Variants in E2F7 observed in about 807,000 individuals in gnomAD.
E2F7 encodes E2F transcription factor 7.
In E2F7, 35 loss-of-function variants were observed where a neutral mutation model predicts 81.1. The ratio of observed to expected loss-of-function variants is 0.43; its 90% CI spans 0.33 to 0.57. The LOEUF (loss-of-function observed/expected upper bound fraction) is 0.57, where lower values mean the gene tolerates loss of function less well. Ranked by LOEUF, E2F7 falls within the 20% of genes least tolerant of loss-of-function variation. E2F7 has a pLI of 0.04. For missense variants in E2F7, 961 were observed against 1,093.7 expected (o/e 0.88, Z 1.71); for synonymous variants, 416 against 416.2 (o/e 1.00, Z 0.01).
chr12:77,024,295 CCTT>C (rs1447752206), intron 12 of E2F7, 110 bp from the exon 13 acceptor site: 33 of 1,220,468 alleles, frequency 2.7e-5, no homozygotes, highest in East Asian at 5.2e-5. Context: ...GGCAGGCGTT[CCTT>C]CTTCTTTGCT....
chr12:77,044,841 CA>C, intron 5 of E2F7, 46 bp from the exon 6 acceptor site: 1 of 1,593,456 alleles, frequency 6.3e-7, no homozygotes, highest in Non-Finnish European at 8.5e-7. Flanking sequence ...TGATTTTCTA[CA>C]AGAAAGACTA....
At chr12:77,031,141 C>T (rs918912371) in intron 9 of E2F7, among the ~76,000 whole-genome samples, 24 of 152,022 alleles carry the variant, frequency 1.6e-4, no homozygotes, top group Non-Finnish European at 2.4e-4. Context: ...GAGGATTGCT[C>T]GAGCCCAGGA....
rs1452990936 is a variant in E2F7, at chr12:77,065,377, C to T, written c.-33G>A. ...TTCCTAAGGAGGCTTCCTGCCTCTG[C>T]AGGGACCTCCACGGACCCAAGCCGA... On this transcript the variant is annotated 5_prime_UTR_variant, in exon 1 of 13. Transcript: ENST00000322886. 1 of 152,320 alleles carries T rather than the reference C, an allele frequency of 6.6e-6. No homozygotes were observed. Among genetic ancestry groups the T allele is most frequent in the East Asian group, 1.9e-4 (1 of 5,180 alleles). 9.4% of individuals were successfully genotyped at this position (152,320 alleles called of 1,614,324 possible).
chr12:77,024,225 T>C (rs1434269200), intron 12 of E2F7, 40 bp from the exon 13 acceptor site: 8 of 1,588,018 alleles, frequency 5.0e-6, no homozygotes, highest in Middle Eastern at 1.7e-4. Context: ...TGAAGTCATA[T>C]TGTTTCTGAT....
At chr12:77,029,731 AT>A in intron 10 of E2F7, 99 bp downstream of exon 10, 1 of 1,522,978 alleles carries the variant, frequency 6.6e-7, no homozygotes, top group South Asian at 1.3e-5. Flanking sequence ...ACAGCTCCAT[AT>A]TCCAGACTCC....
Position 77,055,589 on chromosome 12 carries a change from T to A in E2F7, c.369+266A>T, listed in dbSNP as rs183914190. ...CATTTAAAGAATCCAAATTCCTTCA[T>A]TAAATAAAAATGATTAAATATCATT... On this transcript the variant is annotated intron_variant, in intron 3 of 12. Coordinates refer to ENST00000322886, the MANE Select transcript of E2F7 (RefSeq NM_203394.3). 6.6e-5 allele frequency among the ~76,000 whole-genome samples: 10 copies of A among 152,304 alleles called. No homozygotes were observed. In the East Asian group the frequency reaches 1.9e-3, roughly 29 times the overall value.
At chr12:77,048,758 C>G (rs1954962869) in intron 4 of E2F7, among the ~76,000 whole-genome samples, 1 of 152,130 alleles carries the variant, frequency 6.6e-6, no homozygotes, top group South Asian at 2.1e-4. Flanking sequence ...TGGAGTTCTG[C>G]TCCAGGCAGC....
chr12:77,033,480 C>T, intron 8 of E2F7, among the ~76,000 whole-genome samples: 1 of 151,958 alleles, frequency 6.6e-6, no homozygotes, highest in Non-Finnish European at 1.5e-5. Flanking sequence ...CCACTGTACT[C>T]CAGCCTGGGT....
intron 7 of E2F7, among the ~76,000 whole-genome samples, chr12:77,036,767 A>G (rs531141176): frequency 6.7e-6 from 1 of 148,794 alleles, no homozygotes; most frequent in South Asian, 2.1e-4. Context: ...TTTGAGACAG[A>G]GTCTCGCTCT....
chr12:77,037,183 G>A (rs1954858468), intron 7 of E2F7, among the ~76,000 whole-genome samples: 1 of 152,140 alleles, frequency 6.6e-6, no homozygotes, highest in South Asian at 2.1e-4. Context: ...AGTTCATCAG[G>A]CAGAAAAAAA....
In E2F7 at chr12:77,023,980, C is replaced by T. The variant is rs1370386284; in HGVS notation, c.*35G>A. 7 of 1,606,468 alleles carry T rather than the reference C, an allele frequency of 4.4e-6. No homozygotes were observed. The highest frequency in any genetic ancestry group is 4.3e-4 in the Middle Eastern group (2 of 4,700). Reference sequence around the variant, plus strand: ...CCTCGGACATCCGGGACTCTCAGGGCGTTTGATCCCACCCCCACCTGGCAA... The same window carrying T: ...CCTCGGACATCCGGGACTCTCAGGGTGTTTGATCCCACCCCCACCTGGCAA... On this transcript the variant is annotated 3_prime_UTR_variant, in exon 13 of 13. Coordinates refer to ENST00000322886, the MANE Select transcript of E2F7 (RefSeq NM_203394.3).
chr12:77,028,726 G>A (rs921330719), intron 10 of E2F7, among the ~76,000 whole-genome samples: 8 of 152,026 alleles, frequency 5.3e-5, no homozygotes, highest in African/African-American at 9.7e-5. Context: ...CGCCCGCCTC[G>A]GCCTCCAAAG....
chr12:77,029,155 G>A (rs1299240982), intron 10 of E2F7, among the ~76,000 whole-genome samples: 1 of 152,170 alleles, frequency 6.6e-6, no homozygotes, highest in African/African-American at 2.4e-5. Flanking sequence ...TCTACAAAAT[G>A]AGAAAAATTC....
intron 8 of E2F7, 121 bp from the exon 9 acceptor site, chr12:77,033,243 A>T (rs2120648008): frequency 1.1e-6 from 1 of 900,488 alleles, no homozygotes; most frequent in East Asian, 2.7e-5. Flanking sequence ...CAAATCTGTT[A>T]TGGTTTTGAT....
At chr12:77,038,007 G>A (rs1017793425) in intron 7 of E2F7, among the ~76,000 whole-genome samples, 2 of 152,138 alleles carry the variant, frequency 1.3e-5, no homozygotes, top group African/African-American at 4.8e-5. Context: ...ATATCACTAT[G>A]AGACAAAGTA....
intron 1 of E2F7, 83 bp downstream of exon 1, chr12:77,065,261 GA>G (rs1160313806): frequency 1.3e-5 from 2 of 152,340 alleles, no homozygotes; most frequent in African/African-American, 4.8e-5. Flanking sequence ...GGGACGTGAG[GA>G]GTGGCAGGCT....
chr12:77,046,680 AG>A (rs1216882655), intron 4 of E2F7, among the ~76,000 whole-genome samples: 1 of 152,188 alleles, frequency 6.6e-6, no homozygotes, highest in African/African-American at 2.4e-5. Context: ...TACATGTAAC[AG>A]TGTGCCTAAT....
At chr12:77,054,330 C>A (rs1955013789) in intron 3 of E2F7, among the ~76,000 whole-genome samples, 1 of 150,792 alleles carries the variant, frequency 6.6e-6, no homozygotes, top group Non-Finnish European at 1.5e-5. Flanking sequence ...AAGATCAATA[C>A]ACACACACAA....
intron 7 of E2F7, among the ~76,000 whole-genome samples, chr12:77,036,357 G>A (rs1954849487): frequency 6.6e-6 from 1 of 152,000 alleles, no homozygotes; most frequent in African/African-American, 2.4e-5. Context: ...AGAAAACAGT[G>A]GAGCAACTTC....
Sources: allele counts gnomAD v4.1 joint callset (sites outside exome capture counted in the v4.1 genomes callset), GRCh38; gene constraint gnomAD v4.1.1; transcripts MANE v1.5; gene names NCBI Gene and HGNC (gene_info 2026-07-23, HGNC 2026-07-21).